The following CDK13 variants were observed in gnomAD, a reference collection of about 807,000 sequenced individuals.
CDK13 encodes cyclin dependent kinase 13, also known as cyclin-dependent kinase 13.
CDK13 carries 40 observed loss-of-function variants against 137.6 expected under a neutral mutation model. The observed-to-expected ratio is 0.29, with a 90% CI of 0.23 to 0.38. The LOEUF is 0.38. Ranked by LOEUF, CDK13 falls within the 10% of genes least tolerant of loss-of-function variation. CDK13 has a pLI of 1.00. For missense variants in CDK13, 1,704 were observed against 1,951.8 expected (o/e 0.87, Z 2.39); for synonymous variants, 869 against 760.1 (o/e 1.14, Z -2.36).
chr7:39,952,522 G>T (rs1004412330), intron 1 of CDK13: 1 of 152,168 alleles, frequency 6.6e-6, no homozygotes, highest in African/African-American at 2.4e-5. Flanking sequence ...ATTATAGAAG[G>T]TAGAAAAAAT....
intron 5 of CDK13, among the ~76,000 whole-genome samples, chr7:40,017,297 C>CT (rs1785024256): frequency 6.6e-6 from 1 of 152,046 alleles, no homozygotes; most frequent in Non-Finnish European, 1.5e-5. Flanking sequence ...TTGTTTGGGA[C>CT]TTTCATAGGA....
intron 7 of CDK13, chr7:40,061,492 T>C (rs1413946529): frequency 2.0e-5 from 3 of 152,186 alleles, no homozygotes; most frequent in Admixed American, 6.6e-5. Flanking sequence ...TGCAAATCTA[T>C]AGGTGGCAAG....
chr7:39,951,068 C>T lies in CDK13; in HGVS notation c.427C>T (p.Leu143=), dbSNP rs1054221598. Residue 143 remains leucine (L), a synonymous_variant, in exon 1 of 14, where the codon CTG becomes TTG. Transcript: ENST00000181839. ...TAGTAGCGGCGGGGGTGTGACCCCG[C>T]TGGTGGAATACGAGGATGTGAGCTC... is the stretch of plus-strand genomic sequence containing the variant. The part of the protein sequence containing the change: ...GASSGGGVTP[L]VEYEDVSSQS... 1 of 1,274,298 alleles carries T rather than the reference C, an allele frequency of 7.8e-7. No homozygotes were observed. The highest frequency in any genetic ancestry group is 9.9e-7 in the Non-Finnish European group (1 of 1,012,150). 78.9% of individuals were successfully genotyped at this position (1,274,298 alleles called of 1,614,324 possible).
chr7:40,003,198 A>ACTCT (rs1408905892), intron 5 of CDK13, among the ~76,000 whole-genome samples: 1,163 of 89,268 alleles, frequency 0.013, 11 homozygotes, highest in Middle Eastern at 0.041. Flanking sequence ...ACACACACAC[A>ACTCT]CACACACACT....
At chr7:40,015,652 A>T (rs1784988226) in intron 5 of CDK13, among the ~76,000 whole-genome samples, 1 of 152,164 alleles carries the variant, frequency 6.6e-6, no homozygotes, top group East Asian at 1.9e-4. Flanking sequence ...GGCAGGTAGG[A>T]TGGAATTTTG....
chr7:40,007,124 C>G (rs1784810103), intron 5 of CDK13, among the ~76,000 whole-genome samples: 1 of 152,128 alleles, frequency 6.6e-6, no homozygotes, highest in Non-Finnish European at 1.5e-5. Context: ...CCTGGACACC[C>G]AAACATCAGT....
intron 2 of CDK13, among the ~76,000 whole-genome samples, chr7:39,990,374 C>G (rs550526144): frequency 3.9e-5 from 6 of 152,072 alleles, no homozygotes; most frequent in African/African-American, 1.4e-4. Context: ...GTCTGTGTGG[C>G]CAAAGATTAA....
intron 5 of CDK13, among the ~76,000 whole-genome samples, chr7:40,042,633 A>G (rs2150513005): frequency 6.7e-6 from 1 of 149,042 alleles, no homozygotes; most frequent in East Asian, 2.0e-4. Context: ...CATGTGCCCC[A>G]CATCCAGCTG....
In CDK13 at chr7:40,094,835, A is replaced by C. The variant is rs1787010494; in HGVS notation, c.4394A>C (p.Asn1465Thr). 6.4e-7 allele frequency: 1 copy of C among 1,559,122 alleles called. No homozygotes were observed. Among genetic ancestry groups the C allele is most frequent in the Non-Finnish European group, 8.7e-7 (1 of 1,154,390 alleles). Residue 1465 changes from asparagine to threonine, a missense_variant, in exon 14 of 14, where the codon AAC (asparagine) becomes ACC (threonine). Around this residue, in one of 5 missense-constraint regions of CDK13, gnomAD observed 475 missense variants for 579.3 expected, o/e 0.82. Coordinates refer to ENST00000181839, the MANE Select transcript of CDK13 (RefSeq NM_003718.5). ...ATGCACAACTATAACTATGGTGGTA[A>C]CTTACAGGAAAATCCGAGTGGCCCC... ...AKMHNYNYGG[N>T]LQENPSGPSL...
Position 39,951,270 on chromosome 7 carries a change from A to G in CDK13, c.629A>G (p.Lys210Arg), listed in dbSNP as rs971194567. 34 of 1,343,670 alleles carry G rather than the reference A, an allele frequency of 2.5e-5. No homozygotes were observed. The highest frequency in any genetic ancestry group is 4.1e-5 in the Admixed American group (1 of 24,458). The allele number at this position is 1,343,670 out of a possible 1,614,324, so 83.2% of individuals were successfully genotyped here. A position where few individuals can be genotyped will look rare whatever the true frequency, so the allele number is the denominator to read the frequency against. Reference protein sequence around the residue: ...RDRRSSSGRSKERHREHRRRD... With the variant: ...RDRRSSSGRSRERHREHRRRD... ...CGCCGCAGCAGCAGTGGCCGCAGCA[A>G]GGAGCGCCACCGCGAGCACCGGCGG... The change falls in exon 1 of 14, where the codon AAG becomes AGG. Residue 210 changes from lysine (K) to arginine (R), a missense_variant. Transcript: ENST00000181839.
chr7:39,962,323 C>A (rs1229604262), intron 1 of CDK13, among the ~76,000 whole-genome samples: 1 of 152,226 alleles, frequency 6.6e-6, no homozygotes, highest in Non-Finnish European at 1.5e-5. Context: ...TTAATGATCA[C>A]CATTCTAACT....
intron 1 of CDK13, chr7:39,952,205 C>G (rs368124735): frequency 5.0e-6 from 1 of 198,068 alleles, no homozygotes; most frequent in Non-Finnish European, 1.0e-5. Context: ...TGGTTTAAGT[C>G]TTAATTTTGA....
chr7:39,957,193 T>A (rs911474110), intron 1 of CDK13, among the ~76,000 whole-genome samples: 3 of 148,646 alleles, frequency 2.0e-5, no homozygotes, highest in African/African-American at 7.4e-5. Flanking sequence ...TGAACAATCC[T>A]CCTGTCCTTG....
At chr7:39,964,055 C>A (rs1029776575) in intron 1 of CDK13, among the ~76,000 whole-genome samples, 2 of 152,192 alleles carry the variant, frequency 1.3e-5, no homozygotes, top group Admixed American at 1.3e-4. Flanking sequence ...TATCGATGTT[C>A]ATCAGGGATA....
chr7:39,989,371 C>T (rs140960564), intron 2 of CDK13, among the ~76,000 whole-genome samples: 12 of 150,662 alleles, frequency 8.0e-5, no homozygotes, highest in Non-Finnish European at 1.8e-4. Context: ...CATTAAAAAG[C>T]AACTATATGA....
chr7:40,045,411 A>G (rs985723572), intron 5 of CDK13, among the ~76,000 whole-genome samples: 3 of 149,594 alleles, frequency 2.0e-5, no homozygotes, highest in African/African-American at 7.5e-5. Flanking sequence ...AAGTCGCCTA[A>G]CATCTTTCTT....
intron 2 of CDK13, among the ~76,000 whole-genome samples, chr7:39,994,587 G>C (rs904047009): frequency 1.3e-5 from 2 of 152,152 alleles, no homozygotes; most frequent in African/African-American, 4.8e-5. Flanking sequence ...TGGCTCTGCT[G>C]TTGAGCCTCA....
At chr7:39,979,833 G>C (rs1784187089) in intron 1 of CDK13, among the ~76,000 whole-genome samples, 1 of 152,152 alleles carries the variant, frequency 6.6e-6, no homozygotes, top group African/African-American at 2.4e-5. Flanking sequence ...TCTAGTCAGA[G>C]AACTCACGTG....
rs866403316 is a variant in CDK13, at chr7:39,950,456, G to T, written c.-186G>T. On this transcript the variant is annotated 5_prime_UTR_variant, in exon 1 of 14. Transcript: ENST00000181839. Reference sequence around the variant, plus strand: ...TTCCCTGGGGCCCGGAGGCTGCTGCGTACCCCACTGTGACCTGGAACCCAG... The same window carrying T: ...TTCCCTGGGGCCCGGAGGCTGCTGCTTACCCCACTGTGACCTGGAACCCAG... 8.0e-6 allele frequency: 10 copies of T among 1,244,316 alleles called. No homozygotes were observed. In the Middle Eastern group the frequency reaches 9.2e-4, roughly 115 times the overall value. 77.1% of individuals were successfully genotyped at this position (1,244,316 alleles called of 1,614,324 possible).
Sources: allele counts gnomAD v4.1 joint callset (sites outside exome capture counted in the v4.1 genomes callset), GRCh38; gene constraint gnomAD v4.1.1; regional missense constraint gnomAD v4.1.1; transcripts MANE v1.5; gene names NCBI Gene and HGNC (gene_info 2026-07-23, HGNC 2026-07-21).